The following SPEN variants were observed in gnomAD, a reference collection of about 807,000 sequenced individuals.
The protein encoded by SPEN is msx2-interacting protein.
A neutral mutation model predicts 269.9 loss-of-function variants in SPEN; 18 were observed. That is an observed-to-expected ratio of 0.07 (90% CI 0.05 to 0.10). The LOEUF is 0.10. SPEN is among the 10% of genes least tolerant of loss of function. The pLI, the probability that SPEN is intolerant of heterozygous loss-of-function variation, is 1.00. For missense variants in SPEN, 3,822 were observed against 4,631.2 expected, an observed-to-expected ratio of 0.83 and a Z score of 5.07; for synonymous variants, 1,726 against 1,765.7, an observed-to-expected ratio of 0.98 and a Z score of 0.56.
chr1:15,921,809 A>G (rs1409912418), intron 9 of SPEN, among the ~76,000 whole-genome samples: 2 of 152,254 alleles, frequency 1.3e-5, no homozygotes, highest in Non-Finnish European at 2.9e-5. Flanking sequence ...AAAGTATTTT[A>G]AAAATAAGAT....
Position 15,931,314 on chromosome 1 carries a change from G to T in SPEN, c.5074G>T (p.Ala1692Ser). Reference protein sequence around the residue: ...EAKPASEPAPAPVEQLEQVDL... With the variant: ...EAKPASEPAPSPVEQLEQVDL... ...AAAGCCTGCATCTGAACCTGCTCCT[G>T]CCCCTGTGGAACAGCTGGAACAAGT... The change falls in exon 11 of 15, where the codon GCC becomes TCC. Residue 1692 changes from alanine to serine, a missense_variant. This residue lies in a region of SPEN where 533 missense variants were observed against 618.8 expected (regional missense o/e 0.86). Coordinates refer to ENST00000375759, the MANE Select transcript of SPEN (RefSeq NM_015001.3). The surrounding 1 kb of genome is among the most constrained non-coding windows in gnomAD (Gnocchi z 4.8). 6.2e-7 allele frequency: 1 copy of T among 1,614,144 alleles called. No individual in the cohort carries two copies. Among genetic ancestry groups the T allele is most frequent in the Non-Finnish European group, 8.5e-7 (1 of 1,180,026 alleles).
intron 10 of SPEN, among the ~76,000 whole-genome samples, chr1:15,927,738 T>G (rs2071181684): frequency 6.6e-6 from 1 of 152,244 alleles, no homozygotes; most frequent in Admixed American, 6.5e-5. Context: ...ATATAAATTC[T>G]GTATATGTAA....
At chr1:15,892,953 C>T (rs1472121944) in intron 3 of SPEN, among the ~76,000 whole-genome samples, 2 of 152,030 alleles carry the variant, frequency 1.3e-5, no homozygotes, top group Non-Finnish European at 2.9e-5. Context: ...ACAAAATTAG[C>T]TGGGCGTGGT....
intron 1 of SPEN, among the ~76,000 whole-genome samples, chr1:15,859,179 A>G (rs866534242): frequency 7.7e-6 from 1 of 130,612 alleles, no homozygotes; most frequent in African/African-American, 3.0e-5. Context: ...GGGTCTGACT[A>G]TGTTGCCCAG....
chr1:15,864,107 A>T (rs114280218), intron 1 of SPEN, among the ~76,000 whole-genome samples: 1 of 152,144 alleles, frequency 6.6e-6, no homozygotes, highest in African/African-American at 2.4e-5. Context: ...TGATATACAT[A>T]TATGAGGTAC....
Position 15,873,153 on chromosome 1 carries a change from C to T in SPEN, c.404+17C>T, listed in dbSNP as rs1343440447. On this transcript the variant is annotated intron_variant, in intron 2 of 14. Coordinates refer to ENST00000375759, the MANE Select transcript of SPEN (RefSeq NM_015001.3). ...ACTTGATGGGTAAGTTCCAAGGTTTCTGTAGGCAGGTATTTTGTATTTGAT... is the reference window on the plus strand; with the variant it reads ...ACTTGATGGGTAAGTTCCAAGGTTTTTGTAGGCAGGTATTTTGTATTTGAT... The T allele has an allele frequency of 3.2e-6, 5 of 1,579,024 alleles. No homozygotes were observed. The African/African-American group carries it at 6.8e-5, about 21-fold the overall frequency.
chr1:15,871,422 TCTC>T lies in SPEN; in HGVS notation c.84-1392_84-1390del, dbSNP rs2070573206. On this transcript the variant is annotated intron_variant, in intron 1 of 14. Coordinates refer to ENST00000375759, the MANE Select transcript of SPEN (RefSeq NM_015001.3). ...GTGGCACGATCTTGGCACACTGCAA[TCTC>T]CACCTCCTGAGCTCAAGCAATTCTC... Among the ~76,000 whole-genome samples, 3 of 152,146 alleles carry T rather than the reference TCTC, an allele frequency of 2.0e-5. No individual in the cohort carries two copies. In the East Asian group the frequency reaches 5.8e-4, roughly 29 times the overall value.
chr1:15,872,098 TG>T (rs2070582946), intron 1 of SPEN, among the ~76,000 whole-genome samples: 1 of 149,998 alleles, frequency 6.7e-6, no homozygotes, highest in Non-Finnish European at 1.5e-5. Flanking sequence ...ATTAGTTGGG[TG>T]TGGTGGCATA....
At chr1:15,857,547 A>G (rs1017770618) in intron 1 of SPEN, among the ~76,000 whole-genome samples, 2 of 151,512 alleles carry the variant, frequency 1.3e-5, no homozygotes, top group Non-Finnish European at 2.9e-5. Context: ...AGTAGAGACA[A>G]GGTTTCACCA....
intron 1 of SPEN, among the ~76,000 whole-genome samples, chr1:15,854,618 G>A (rs1171242114): frequency 6.6e-6 from 1 of 151,962 alleles, no homozygotes; most frequent in African/African-American, 2.4e-5. Flanking sequence ...CCAAGTAGCT[G>A]GGATTACAGG....
intron 1 of SPEN, among the ~76,000 whole-genome samples, chr1:15,849,203 A>T (rs1331597381): frequency 6.6e-6 from 1 of 152,224 alleles, no homozygotes; most frequent in African/African-American, 2.4e-5. Context: ...TGTCCTCGAA[A>T]ATGACAGTTT....
At position 15,938,116 on chromosome 1, in the gene SPEN, CTTG is replaced by C. The variant is rs550051827; in HGVS notation, c.10704+120_10704+122del. The C allele has an allele frequency of 9.3e-4, 944 of 1,020,068 alleles. 4 individuals are homozygous for C. The highest frequency in any genetic ancestry group is 7.7e-3 in the African/African-American group (474 of 61,800). The allele number at this position is 1,020,068 out of a possible 1,614,324, so 63.2% of individuals were successfully genotyped here. On this transcript the variant is annotated intron_variant, in intron 13 of 14. Coordinates refer to ENST00000375759, the MANE Select transcript of SPEN (RefSeq NM_015001.3). ...CTGTCATGGAAGCATTAACTGTATT[CTTG>C]TTGTTGTTGAAACAGTCTCTGTCGC... is the stretch of plus-strand genomic sequence containing the variant.
Position 15,933,026 on chromosome 1 carries a change from A to G in SPEN, c.6786A>G (p.Gly2262=), listed in dbSNP as rs1351515663. The G allele has an allele frequency of 6.2e-7, 1 of 1,614,084 alleles. No individual in the cohort carries two copies. Among genetic ancestry groups the G allele is most frequent in the South Asian group, 1.1e-5 (1 of 91,088 alleles). Residue 2262 remains glycine, a synonymous_variant, in exon 11 of 15, where the codon GGA becomes GGG. Transcript: ENST00000375759. The surrounding 1 kb of genome is among the most constrained non-coding windows in gnomAD (Gnocchi z 5.7). ...GAQALQPSEE[G]METDEAVSGI... ...AGGCGCTGCAGCCTTCTGAGGAAGG[A>G]ATGGAGACAGATGAGGCTGTATCTG...
intron 6 of SPEN, among the ~76,000 whole-genome samples, chr1:15,916,933 G>A (rs1048273437): frequency 1.3e-5 from 2 of 152,112 alleles, no homozygotes; most frequent in Non-Finnish European, 2.9e-5. Flanking sequence ...TTTAAGCCCA[G>A]CCTGGGCAAC....
chr1:15,892,665 G>A (rs915841049), intron 3 of SPEN, among the ~76,000 whole-genome samples: 7 of 152,132 alleles, frequency 4.6e-5, no homozygotes, highest in African/African-American at 1.7e-4. Flanking sequence ...CAGGGTGGCT[G>A]AGGGAATGGC....
intron 3 of SPEN, among the ~76,000 whole-genome samples, chr1:15,895,555 T>G (rs903464766): frequency 2.0e-5 from 3 of 152,230 alleles, no homozygotes; most frequent in Non-Finnish European, 4.4e-5. Context: ...AAGCTTTAAT[T>G]ATCTACCAGA....
At chr1:15,904,536 C>G (rs2070937319) in intron 3 of SPEN, among the ~76,000 whole-genome samples, 1 of 151,020 alleles carries the variant, frequency 6.6e-6, no homozygotes, top group Non-Finnish European at 1.5e-5. Context: ...AACCAGTCTC[C>G]CCTTCTAGTT....
chr1:15,908,513 C>G (rs773458987), intron 3 of SPEN, among the ~76,000 whole-genome samples: 4 of 152,074 alleles, frequency 2.6e-5, no homozygotes, highest in Non-Finnish European at 4.4e-5. Context: ...ACGTCTGCCT[C>G]CCAGGTTCAC....
rs774350958 is a variant in SPEN at position 15,929,762 on chromosome 1, A to G, written c.3522A>G (p.Glu1174=). Residue 1174 remains glutamate (E), a synonymous_variant, in exon 11 of 15, where the codon GAA becomes GAG. Coordinates refer to ENST00000375759, the MANE Select transcript of SPEN (RefSeq NM_015001.3). This position sits in a 1 kb window ranked among gnomAD's most constrained non-coding sequence, Gnocchi z 5.8. ...DHTQSYRKQM[E]QSRRKQQMEM... ...CGCAGAGTTACCGAAAACAAATGGA[A>G]CAGAGTCGTAGGAAACAGCAGATGG... 4 of 1,614,100 alleles carry G rather than the reference A, an allele frequency of 2.5e-6. No individual in the cohort carries two copies. In the African/African-American group the frequency reaches 5.3e-5, roughly 22 times the overall value.
Sources: gnomAD v4.1 joint callset for allele counts (sites outside exome capture counted in the v4.1 genomes callset) on GRCh38, gnomAD v4.1.1 for gene constraint, gnomAD v4.1.1 regional missense constraint, Gnocchi (gnomAD v3.1) non-coding constraint, MANE v1.5 for transcripts, NCBI Gene and HGNC (gene_info 2026-07-23, HGNC 2026-07-21) for gene names.